RHBDD2: variants seen among roughly 807,000 people sequenced by gnomAD.
RHBDD2 encodes the protein rhomboid domain containing 2.
In RHBDD2, 13 loss-of-function variants were observed where a neutral mutation model predicts 21.7. The ratio of observed to expected loss-of-function variants is 0.60; its 90% CI spans 0.39 to 0.95. RHBDD2 has a LOEUF of 0.95. RHBDD2 is among the 40% of genes least tolerant of loss of function. The pLI, the probability that RHBDD2 is intolerant of heterozygous loss-of-function variation, is 0.00. For synonymous variants in RHBDD2, 225 were observed against 220.0 expected (o/e 1.02, Z -0.20); for missense variants, 473 against 478.9 (o/e 0.99, Z 0.11).
At chr7:75,880,900 A>T (rs928516762) in intron 1 of RHBDD2, among the ~76,000 whole-genome samples, 2 of 151,758 alleles carry the variant, frequency 1.3e-5, no homozygotes, top group Non-Finnish European at 1.5e-5. Context: ...TAATTTTTAA[A>T]TTTTTTTTAA....
Position 75,879,235 on chromosome 7 carries a change from G to A in RHBDD2, c.153G>A (p.Lys51=). The A allele has an allele frequency of 4.6e-6, 7 of 1,520,264 alleles. No individual in the cohort carries two copies. Among genetic ancestry groups the A allele is most frequent in the Non-Finnish European group, 6.2e-6 (7 of 1,133,022 alleles). The allele number at this position is 1,520,264 out of a possible 1,614,324, so 94.2% of individuals were successfully genotyped here. A position where few individuals can be genotyped will look rare whatever the true frequency, so the allele number is the denominator to read the frequency against. The change falls in exon 1 of 4, where the codon AAG becomes AAA. Residue 51 remains lysine, a synonymous_variant. Coordinates refer to ENST00000006777, the MANE Select transcript of RHBDD2 (RefSeq NM_001040456.3). The stretch of plus-strand genomic sequence containing the variant: ...TGGCGCCCTCGGGCCTCACGCTGAA[G>A]TCCGAGGCCCTTCGCAACTGGCAAG... The part of the protein sequence containing the change: ...QPLAPSGLTL[K]SEALRNWQVY...
chr7:75,883,045 GATACTGGTACAGCCTCCTGCCTT>G (rs1228595963), intron 2 of RHBDD2, among the ~76,000 whole-genome samples: 12 of 152,174 alleles, frequency 7.9e-5, no homozygotes, highest in Non-Finnish European at 1.6e-4. Context: ...CCCTCAGGAT[GATACTGGTACAGCCTCCTGCCTT>G]ATCCTGCTAC....
chr7:75,880,642 A>G (rs1477517880), intron 1 of RHBDD2, among the ~76,000 whole-genome samples: 3 of 152,176 alleles, frequency 2.0e-5, no homozygotes, highest in African/African-American at 7.2e-5. Flanking sequence ...TCCCAAGTCC[A>G]ATATTACCAT....
chr7:75,884,173 G>A (rs534953791), intron 3 of RHBDD2, among the ~76,000 whole-genome samples: 3 of 152,240 alleles, frequency 2.0e-5, no homozygotes, highest in Non-Finnish European at 2.9e-5. Flanking sequence ...GATTACAGGC[G>A]TGAGCCACTG....
rs1317735868 is a variant in RHBDD2 at position 75,879,089 on chromosome 7, G to C, written c.7G>C (p.Ala3Pro). Residue 3 changes from alanine (A) to proline (P), a missense_variant, in exon 1 of 4, where the codon GCC becomes CCC. Ala to Pro is a conservative substitution (Grantham distance 27). Coordinates refer to ENST00000006777, the MANE Select transcript of RHBDD2 (RefSeq NM_001040456.3). ...CGCGGGAACGACGGCGGCCATGGCG[G>C]CCTCGGGGCCCGGGTGTCGCAGCTG... MA[A>P]SGPGCRSWCL... is the part of the protein sequence containing the mutation. The C allele has an allele frequency of 7.3e-7, 1 of 1,361,116 alleles. No homozygotes were observed. The highest frequency in any genetic ancestry group is 3.8e-5 in the Admixed American group (1 of 26,272). 84.3% of individuals were successfully genotyped at this position (1,361,116 alleles called of 1,614,324 possible). A position where few individuals can be genotyped will look rare whatever the true frequency, so the allele number is the denominator to read the frequency against.
In RHBDD2 at chr7:75,888,345, C is replaced by T. The variant is rs782406142; in HGVS notation, c.1091C>T (p.Pro364Leu). Residue 364 changes from proline (P) to leucine (L), a missense_variant, in exon 4 of 4, where the codon CCC becomes CTC. Pro to Leu is a moderately conservative substitution (Grantham distance 98). Coordinates refer to ENST00000006777, the MANE Select transcript of RHBDD2 (RefSeq NM_001040456.3). Reference protein sequence around the residue: ...GSKESSRVPMP With the variant: ...GSKESSRVPML Reference sequence around the variant, plus strand: ...AAGGAGTCCTCCAGGGTCCCCATGCCCTGAGAGAATTTCTAGGGAAGTCAT... The same window carrying T: ...AAGGAGTCCTCCAGGGTCCCCATGCTCTGAGAGAATTTCTAGGGAAGTCAT... The T allele has an allele frequency of 2.5e-6, 4 of 1,607,144 alleles. No homozygotes were observed. The highest frequency in any genetic ancestry group is 3.3e-5 in the Admixed American group (2 of 59,820).
At chr7:75,881,387 G>T (rs1374869610) in intron 1 of RHBDD2, 6 of 1,292,330 alleles carry the variant, frequency 4.6e-6, no homozygotes, top group East Asian at 5.5e-5. Flanking sequence ...GAGGGGTCAG[G>T]ATTACAGCAG....
intron 2 of RHBDD2, among the ~76,000 whole-genome samples, chr7:75,882,764 C>T (rs1268070290): frequency 6.6e-6 from 1 of 151,920 alleles, no homozygotes; most frequent in African/African-American, 2.4e-5. Flanking sequence ...TTCTGATAGG[C>T]GGTTAACTTA....
At position 75,883,804 on chromosome 7, in the gene RHBDD2, C is replaced by T. The variant is rs374769605; in HGVS notation, c.693C>T (p.Tyr231=). 3.0e-5 allele frequency: 49 copies of T among 1,613,928 alleles called. No individual in the cohort carries two copies. The highest frequency in any genetic ancestry group is 1.6e-4 in the Middle Eastern group (1 of 6,062). ...TGAGGAGGATATCCGTGTTCAAGTA[C>T]GTCTCAGGGTCTTCAGCCGAGAGGA... is the stretch of plus-strand genomic sequence containing the variant. ...SLMRRISVFK[Y]VSGSSAERRA... is the part of the protein sequence containing the mutation. The change falls in exon 3 of 4, where the codon TAC becomes TAT. Residue 231 remains tyrosine, a synonymous_variant. Transcript: ENST00000006777.
At chr7:75,881,792 A>T in intron 1 of RHBDD2, 37 bp from the exon 2 acceptor site, 1 of 1,552,066 alleles carries the variant, frequency 6.4e-7, no homozygotes, top group Non-Finnish European at 8.7e-7. Flanking sequence ...CCTGGGAGCA[A>T]CCCGCCGCCA....
intron 1 of RHBDD2, 67 bp downstream of exon 1, chr7:75,879,327 C>G (rs207468091): frequency 2.2e-6 from 3 of 1,369,328 alleles, no homozygotes; most frequent in Non-Finnish European, 1.9e-6. Context: ...TTCCTGGGCT[C>G]TAGCCTCCGG....
rs181719919 is a variant in RHBDD2 at position 75,882,316 on chromosome 7, A to G, written c.586+80A>G. 130 of 1,305,136 alleles carry G rather than the reference A, an allele frequency of 1.0e-4. 1 individual carries two copies. In the East Asian group the frequency reaches 2.8e-3, roughly 28 times the overall value. The allele number at this position is 1,305,136 out of a possible 1,614,324, so 80.8% of individuals were successfully genotyped here. On this transcript the variant is annotated intron_variant, in intron 2 of 3. Transcript: ENST00000006777. Reference sequence around the variant, plus strand: ...CTGGAGGGTCTGGGGTGTCAAGTAGATAAAATTGGGCTTACTTTGTATTTT... The same window carrying G: ...CTGGAGGGTCTGGGGTGTCAAGTAGGTAAAATTGGGCTTACTTTGTATTTT...
At chr7:75,881,353 T>C (rs1805311848) in intron 1 of RHBDD2, 1 of 1,290,808 alleles carries the variant, frequency 7.7e-7, no homozygotes, top group African/African-American at 1.5e-5. Context: ...CCTTTTTTCT[T>C]CCTCTGAACA....
chr7:75,886,738 T>C (rs1805698104), intron 3 of RHBDD2, among the ~76,000 whole-genome samples: 1 of 150,282 alleles, frequency 6.7e-6, no homozygotes, highest in South Asian at 2.1e-4. Flanking sequence ...GGTGTGAACC[T>C]GGGAGGTGGA....
chr7:75,888,668 C>T lies in RHBDD2; in HGVS notation c.*319C>T, dbSNP rs1398849677. On this transcript the variant is annotated 3_prime_UTR_variant, in exon 4 of 4. Coordinates refer to ENST00000006777, the MANE Select transcript of RHBDD2 (RefSeq NM_001040456.3). ...GTTGGCAGTAGCTGCCGATGTCTGT[C>T]CCCAGCTCCACCATTCCTCCCTGTG... The T allele has an allele frequency of 2.8e-6, 1 of 357,006 alleles. No individual in the cohort carries two copies. Among genetic ancestry groups the T allele is most frequent in the Non-Finnish European group, 5.2e-6 (1 of 192,486 alleles). 22.1% of individuals were successfully genotyped at this position (357,006 alleles called of 1,614,324 possible).
At chr7:75,887,250 A>C (rs1585063590) in intron 3 of RHBDD2, among the ~76,000 whole-genome samples, 2 of 133,578 alleles carry the variant, frequency 1.5e-5, no homozygotes, top group African/African-American at 2.9e-5. Flanking sequence ...CAGTCCTCCT[A>C]CCTCAGCCTC....
In RHBDD2 at chr7:75,881,740, G is replaced by A. The variant is rs1480721203; in HGVS notation, c.179-89G>A. 2.3e-6 allele frequency: 3 copies of A among 1,307,088 alleles called. No homozygotes were observed. The Admixed American group carries it at 6.7e-5, about 29-fold the overall frequency. 81.0% of individuals were successfully genotyped at this position (1,307,088 alleles called of 1,614,324 possible). On this transcript the variant is annotated intron_variant, in intron 1 of 3. Transcript: ENST00000006777. ...CTCTCACTTCTCTGTCACGGAGGGG[G>A]GCTCTCTGCCTTTCCTAGGCGGCTT...
chr7:75,888,811 G>C lies in RHBDD2; in HGVS notation c.*462G>C. ...GTAGTGTCTCTCCCCTGCTGCGGGC[G>C]CCCCCACCCCGATTCCTCTCCCCAG... On this transcript the variant is annotated 3_prime_UTR_variant, in exon 4 of 4. Coordinates refer to ENST00000006777, the MANE Select transcript of RHBDD2 (RefSeq NM_001040456.3). 1 of 169,034 alleles carries C rather than the reference G, an allele frequency of 5.9e-6. No homozygotes were observed. The highest frequency in any genetic ancestry group is 1.3e-5 in the Non-Finnish European group (1 of 78,246). The allele number at this position is 169,034 out of a possible 1,614,324, so 10.5% of individuals were successfully genotyped here.
intron 1 of RHBDD2, chr7:75,881,472 A>G: frequency 7.7e-7 from 1 of 1,304,966 alleles, no homozygotes; most frequent in African/African-American, 1.5e-5. Context: ...ATTAACCCTC[A>G]AACTGCCCAG....
Sources: allele counts gnomAD v4.1 joint callset (sites outside exome capture counted in the v4.1 genomes callset), GRCh38; gene constraint gnomAD v4.1.1; transcripts MANE v1.5; gene names NCBI Gene and HGNC (gene_info 2026-07-23, HGNC 2026-07-21).